CNTNAP2: variants seen among roughly 807,000 people sequenced by gnomAD.
CNTNAP2 encodes the protein contactin-associated protein-like 2.
CNTNAP2 carries 98 observed loss-of-function variants against 155.2 expected under a neutral mutation model. The observed-to-expected ratio is 0.63, with a 90% CI of 0.54 to 0.75. The LOEUF is 0.75. CNTNAP2 is among the 30% of genes least tolerant of loss of function. The pLI, the probability that CNTNAP2 is intolerant of heterozygous loss-of-function variation, is 0.00. For synonymous variants in CNTNAP2, 651 were observed against 631.2 expected (o/e 1.03, Z -0.47); for missense variants, 1,727 against 1,688.1 (o/e 1.02, Z -0.40).
chr7:147,609,567 GAGAC>G (rs1261290677), intron 12 of CNTNAP2, among the ~76,000 whole-genome samples: 3 of 152,004 alleles, frequency 2.0e-5, no homozygotes, highest in Non-Finnish European at 4.4e-5. Context: ...GGTTGTGGGG[GAGAC>G]AGACAATACA....
intron 1 of CNTNAP2, among the ~76,000 whole-genome samples, chr7:146,586,003 T>G (rs928725893): frequency 1.7e-5 from 2 of 117,124 alleles, no homozygotes; most frequent in African/African-American, 6.7e-5. Context: ...AGGCCCTGTC[T>G]CAAAAAAACA....
At chr7:146,973,172 G>C (rs1368565558) in intron 3 of CNTNAP2, among the ~76,000 whole-genome samples, 2 of 152,110 alleles carry the variant, frequency 1.3e-5, no homozygotes, top group Admixed American at 1.3e-4. Flanking sequence ...GGAATTATAG[G>C]CACGTGCTGA....
In CNTNAP2 at chr7:147,939,381, T is replaced by G. The variant is rs544687769; in HGVS notation, c.2255+35660T>G. ...AGACAGGCTGTGGCCCAGGCTGGAG[T>G]GCAGTGGCACGATCTCAGCTCACTG... On this transcript the variant is annotated intron_variant, in intron 14 of 23. Coordinates refer to ENST00000361727, the MANE Select transcript of CNTNAP2 (RefSeq NM_014141.6). 9.2e-5 allele frequency among the ~76,000 whole-genome samples: 14 copies of G among 152,096 alleles called. No homozygotes were observed. The East Asian group carries it at 2.7e-3, about 29-fold the overall frequency.
At chr7:147,711,608 G>C (rs1584913879) in intron 13 of CNTNAP2, among the ~76,000 whole-genome samples, 1 of 152,158 alleles carries the variant, frequency 6.6e-6, no homozygotes, top group South Asian at 2.1e-4. Context: ...AGACCTAAAA[G>C]AAAACAGCTG....
At chr7:148,263,407 AC>A in intron 20 of CNTNAP2, among the ~76,000 whole-genome samples, 2 of 152,032 alleles carry the variant, frequency 1.3e-5, no homozygotes, top group Middle Eastern at 6.8e-3. Context: ...ACAATCAAAA[AC>A]CTCTGAGTAG....
intron 9 of CNTNAP2, among the ~76,000 whole-genome samples, chr7:147,376,514 C>T (rs1288688813): frequency 6.6e-6 from 1 of 151,864 alleles, no homozygotes; most frequent in Non-Finnish European, 1.5e-5. Flanking sequence ...TGAATTTTAC[C>T]TTTTTTCATT....
At chr7:147,036,349 A>G (rs943831688) in intron 3 of CNTNAP2, among the ~76,000 whole-genome samples, 1 of 152,222 alleles carries the variant, frequency 6.6e-6, no homozygotes, top group South Asian at 2.1e-4. Context: ...ATTTTCAGTT[A>G]TTAAAACTTC....
chr7:146,574,664 G>A (rs978256847), intron 1 of CNTNAP2, among the ~76,000 whole-genome samples: 1 of 152,122 alleles, frequency 6.6e-6, no homozygotes, highest in Non-Finnish European at 1.5e-5. Context: ...TCGCACCACT[G>A]CACTCCAGCC....
chr7:146,361,517 A>T lies in CNTNAP2; in HGVS notation c.97+244544A>T, dbSNP rs550063078. 3.6e-4 allele frequency among the ~76,000 whole-genome samples: 55 copies of T among 152,308 alleles called. 2 individuals are homozygous for T. The South Asian group carries it at 0.011, about 30-fold the overall frequency. On this transcript the variant is annotated intron_variant, in intron 1 of 23. Coordinates refer to ENST00000361727, the MANE Select transcript of CNTNAP2 (RefSeq NM_014141.6). ...TCTCTAGGATTCAAGTGTTCACTGT[A>T]TGAGGTAAATTAACTCTTCCAGTGC...
intron 21 of CNTNAP2, among the ~76,000 whole-genome samples, chr7:148,300,448 T>C (rs2116497959): frequency 6.6e-6 from 1 of 152,262 alleles, no homozygotes; most frequent in East Asian, 1.9e-4. Context: ...ACAGAAAGGA[T>C]AGTCTTTTGT....
At chr7:146,222,658 AT>A (rs11461655) in intron 1 of CNTNAP2, among the ~76,000 whole-genome samples, 17,216 of 138,700 alleles carry the variant, frequency 0.12, 1,308 homozygotes, top group African/African-American at 0.22. Flanking sequence ...GAAAAGGTAA[AT>A]TTTTTTTTTT....
chr7:147,775,667 C>A (rs1456075807), intron 13 of CNTNAP2, among the ~76,000 whole-genome samples: 4 of 151,676 alleles, frequency 2.6e-5, no homozygotes, highest in Non-Finnish European at 5.9e-5. Context: ...AACAGCATGA[C>A]ACAGCTGCTC....
chr7:146,439,086 G>T (rs550634826), intron 1 of CNTNAP2, among the ~76,000 whole-genome samples: 2 of 151,416 alleles, frequency 1.3e-5, no homozygotes, highest in Non-Finnish European at 2.9e-5. Context: ...AAAAAGTACC[G>T]CCACAGGTGG....
At chr7:146,847,714 C>A (rs1319753130) in intron 3 of CNTNAP2, among the ~76,000 whole-genome samples, 3 of 152,066 alleles carry the variant, frequency 2.0e-5, no homozygotes, top group African/African-American at 7.2e-5. Context: ...TGTTTCCCAG[C>A]CTGGAATGAC....
chr7:147,548,073 C>T (rs965045238), intron 11 of CNTNAP2, among the ~76,000 whole-genome samples: 15 of 152,102 alleles, frequency 9.9e-5, no homozygotes, highest in Admixed American at 8.5e-4. Flanking sequence ...AACATGTGTG[C>T]ATGTGTCTTT....
intron 16 of CNTNAP2, among the ~76,000 whole-genome samples, chr7:148,131,469 G>A (rs1419069747): frequency 1.3e-5 from 2 of 152,086 alleles, no homozygotes; most frequent in Non-Finnish European, 2.9e-5. Flanking sequence ...GCCTGTTAAA[G>A]TGTCAAAAAG....
intron 8 of CNTNAP2, among the ~76,000 whole-genome samples, chr7:147,140,191 T>C (rs1279708618): frequency 6.6e-6 from 1 of 152,126 alleles, no homozygotes; most frequent in Non-Finnish European, 1.5e-5. Flanking sequence ...ATGACCTGCC[T>C]AGATGTCTGT....
intron 12 of CNTNAP2, among the ~76,000 whole-genome samples, chr7:147,618,721 A>G (rs1019294514): frequency 4.6e-5 from 7 of 151,208 alleles, no homozygotes; most frequent in African/African-American, 1.7e-4. Context: ...ACACACACAC[A>G]CACACACACA....
At chr7:147,860,167 G>A (rs1056584863) in intron 13 of CNTNAP2, among the ~76,000 whole-genome samples, 1 of 152,152 alleles carries the variant, frequency 6.6e-6, no homozygotes, top group Non-Finnish European at 1.5e-5. Context: ...GCTCATGCCT[G>A]TAATCTCAAC....
Sources: gnomAD v4.1 joint callset for allele counts (sites outside exome capture counted in the v4.1 genomes callset) on GRCh38, gnomAD v4.1.1 for gene constraint, MANE v1.5 for transcripts, NCBI Gene and HGNC (gene_info 2026-07-23, HGNC 2026-07-21) for gene names.